NSFL1C: variants seen among roughly 807,000 people sequenced by gnomAD.
NSFL1C encodes the protein NSFL1 cofactor, also known as NSFL1 cofactor p47.
A neutral mutation model predicts 43.1 loss-of-function variants in NSFL1C; 14 were observed. The ratio of observed to expected loss-of-function variants is 0.32; its 90% confidence interval spans 0.21 to 0.51. The LOEUF (loss-of-function observed/expected upper bound fraction) is 0.51. Among genes scored for constraint, NSFL1C ranks in the 20% least tolerant of loss-of-function variants. The probability of loss-of-function intolerance (pLI) is 0.98; values close to 1 mark genes in which losing one functional copy is unlikely to be tolerated. For missense variants in NSFL1C, 406 were observed against 472.5 expected, an observed-to-expected ratio of 0.86 and a Z score of 1.30; for synonymous variants, 171 against 183.5, an observed-to-expected ratio of 0.93 and a Z score of 0.55.
In NSFL1C at chr20:1,455,131, A is replaced by C. The variant is rs1421872228; in HGVS notation, c.280T>G (p.Phe94Val). 6.2e-7 allele frequency: 1 copy of C among 1,614,036 alleles called. No individual in the cohort carries two copies. Among genetic ancestry groups the C allele is most frequent in the Non-Finnish European group, 8.5e-7 (1 of 1,180,030 alleles). ...CTTCTCTCTGAGCCCCCAGCATAAA[A>C]CCTGTGTACAAAATACACCTCTAAC... Reference protein sequence around the residue: ...EDEEEEEGQRFYAGGSERSGQ... With the variant: ...EDEEEEEGQRVYAGGSERSGQ... Residue 94 changes from phenylalanine to valine, a missense_variant and splice_region_variant, in exon 4 of 9, where the codon TTT becomes GTT. Physicochemically the swap from Phe to Val is conservative, Grantham distance 50. This residue lies in a region of NSFL1C where 203 missense variants were observed against 216.3 expected (regional missense o/e 0.94). Coordinates refer to ENST00000216879, the MANE Select transcript of NSFL1C (RefSeq NM_016143.5).
At chr20:1,449,239 C>A (rs1217918517) in intron 7 of NSFL1C, among the ~76,000 whole-genome samples, 1 of 146,404 alleles carries the variant, frequency 6.8e-6, no homozygotes, top group East Asian at 1.9e-4. Context: ...AAACACTCGA[C>A]TAACTAATTA....
At chr20:1,449,427 G>A (rs1038854555) in intron 7 of NSFL1C, among the ~76,000 whole-genome samples, 1 of 152,144 alleles carries the variant, frequency 6.6e-6, no homozygotes, top group Non-Finnish European at 1.5e-5. Context: ...TGAAGACCAG[G>A]CCTCCTGATT....
At position 1,442,503 on chromosome 20, in the gene NSFL1C, G is replaced by C. The variant is rs992480228; in HGVS notation, c.*1246C>G. On this transcript the variant is annotated 3_prime_UTR_variant, in exon 9 of 9. Transcript: ENST00000216879. ...GAGGCACATTACGATTCCAAACCAG[G>C]AGATCCTGAGTCAGCACTGATTCTG... 1 of 152,230 alleles carries C rather than the reference G, an allele frequency of 6.6e-6. No individual in the cohort carries two copies. The highest frequency in any genetic ancestry group is 6.5e-5 in the Admixed American group (1 of 15,278). 9.4% of individuals were successfully genotyped at this position (152,230 alleles called of 1,614,324 possible).
chr20:1,455,551 A>C (rs2090280017), intron 3 of NSFL1C, among the ~76,000 whole-genome samples: 1 of 152,140 alleles, frequency 6.6e-6, no homozygotes, highest in Admixed American at 6.5e-5. Flanking sequence ...AGTAGCTACC[A>C]CTAGTGACTT....
chr20:1,448,661 C>A (rs1393683772), intron 7 of NSFL1C, among the ~76,000 whole-genome samples: 1 of 152,174 alleles, frequency 6.6e-6, no homozygotes, highest in Non-Finnish European at 1.5e-5. Flanking sequence ...ATTCCTAAGC[C>A]AGGCCCTGTG....
intron 7 of NSFL1C, chr20:1,446,175 A>C (rs1031819782): frequency 9.7e-6 from 4 of 410,340 alleles, no homozygotes; most frequent in Non-Finnish European, 1.4e-5. Context: ...CAGGGTCATA[A>C]GGCTGGAAGA....
rs1037200835 is a variant in NSFL1C, at chr20:1,443,706, C to T, written c.*43G>A. On this transcript the variant is annotated 3_prime_UTR_variant, in exon 9 of 9. Transcript: ENST00000216879. ...GATCCCCATGGGGCATGGCCACTGG[C>T]CATGGGAAACACAGGAGGGAGGCCA... 1.2e-6 allele frequency: 2 copies of T among 1,609,042 alleles called. No individual in the cohort carries two copies. The highest frequency in any genetic ancestry group is 1.7e-6 in the Non-Finnish European group (2 of 1,176,408).
At position 1,460,640 on chromosome 20, in the gene NSFL1C, C is replaced by CCTA. The variant is rs555218476; in HGVS notation, c.204-2369_204-2367dup. 1.3e-4 allele frequency among the ~76,000 whole-genome samples: 20 copies of CCTA among 152,228 alleles called. No homozygotes were observed. The South Asian group carries it at 3.7e-3, about 28-fold the overall frequency. ...CATTTTCTGCTTTTAATCCGGTTAC[C>CCTA]CTAGCTCTGCCTCTCTGTGATGATG... On this transcript the variant is annotated intron_variant, in intron 2 of 8. Transcript: ENST00000216879.
chr20:1,458,323 G>T (rs541111299), intron 2 of NSFL1C, 49 bp from the exon 3 acceptor site: 2 of 1,511,796 alleles, frequency 1.3e-6, no homozygotes, highest in South Asian at 2.2e-5. Flanking sequence ...ATTAAGAAAG[G>T]TAACCCTCAT....
Position 1,458,116 on chromosome 20 carries a change from TTACCAGGTCCTGTTC to T in NSFL1C, c.278+69_278+83del, listed in dbSNP as rs559943124. 3,363 of 1,091,330 alleles carry T rather than the reference TTACCAGGTCCTGTTC, an allele frequency of 3.1e-3. 8 individuals carry two copies. The highest frequency in any genetic ancestry group is 4.5e-3 in the Non-Finnish European group (3,151 of 706,166). 67.6% of individuals were successfully genotyped at this position (1,091,330 alleles called of 1,614,324 possible). A position where few individuals can be genotyped will look rare whatever the true frequency, so the allele number is the denominator to read the frequency against. On this transcript the variant is annotated intron_variant, in intron 3 of 8. Transcript: ENST00000216879. ...AATGGCTAACAATAACCAAACATGT[TTACCAGGTCCTGTTC>T]TAGGTGATTTACACATTACCCTGGA...
intron 2 of NSFL1C, chr20:1,463,345 T>C (rs1348485008): frequency 6.6e-6 from 1 of 152,136 alleles, no homozygotes; most frequent in Non-Finnish European, 1.5e-5. Flanking sequence ...CCTAACAACA[T>C]GTCCCAAGCA....
rs1393860242 is a variant in NSFL1C at position 1,442,307 on chromosome 20, G to C, written c.*1442C>G. On this transcript the variant is annotated 3_prime_UTR_variant, in exon 9 of 9. Transcript: ENST00000216879. ...GCCCCAGCAGGCCACTGCCGGTGTG[G>C]GAACTTTGGGATCAAAAGCACCAAG... 1 of 152,220 alleles carries C rather than the reference G, an allele frequency of 6.6e-6. No individual in the cohort carries two copies. Among genetic ancestry groups the C allele is most frequent in the Admixed American group, 6.5e-5 (1 of 15,284 alleles). The allele number at this position is 152,220 out of a possible 1,614,324, so 9.4% of individuals were successfully genotyped here.
intron 3 of NSFL1C, among the ~76,000 whole-genome samples, chr20:1,457,578 T>C (rs1263145499): frequency 6.6e-6 from 1 of 152,174 alleles, no homozygotes; most frequent in Non-Finnish European, 1.5e-5. Flanking sequence ...TTTATACCCT[T>C]TGACCACCAT....
chr20:1,452,568 T>G lies in NSFL1C; in HGVS notation c.710A>C (p.Asp237Ala). Reference sequence around the variant, plus strand: ...CTTCACAAAGTCCTCGTCCCGATGGTCCTCCATATCCAAGTTCACCTGTCC... The same window carrying G: ...CTTCACAAAGTCCTCGTCCCGATGGGCCTCCATATCCAAGTTCACCTGTCC... ...HGGQVNLDME[D>A]HRDEDFVKPK... The change falls in exon 7 of 9, where the codon GAC (aspartate) becomes GCC (alanine). Residue 237 changes from aspartate (D) to alanine (A), a missense_variant. Physicochemically the swap from Asp to Ala is moderately radical, Grantham distance 126. Transcript: ENST00000216879. 1 of 1,614,110 alleles carries G rather than the reference T, an allele frequency of 6.2e-7. No individual in the cohort carries two copies. Among genetic ancestry groups the G allele is most frequent in the Non-Finnish European group, 8.5e-7 (1 of 1,180,012 alleles).
rs1431772452 is a variant in NSFL1C at position 1,445,811 on chromosome 20, T to A, written c.805A>T (p.Ser269Cys). 1.2e-6 allele frequency: 2 copies of A among 1,614,018 alleles called. No individual in the cohort carries two copies. Among genetic ancestry groups the A allele is most frequent in the Non-Finnish European group, 1.7e-6 (2 of 1,179,974 alleles). ...GCCTGTTGGGCTGGAGAGCTGGTAC[T>A]CAACACCTGGGGGGCAGTGCTGAGG... is the stretch of plus-strand genomic sequence containing the variant. ...KLGSTAPQVL[S>C]TSSPAQQAEN... Residue 269 changes from serine (S) to cysteine (C), a missense_variant, in exon 8 of 9, where the codon AGT (serine) becomes TGT (cysteine). Ser to Cys is a moderately radical substitution (Grantham distance 112). This residue lies in a region of NSFL1C where 196 missense variants were observed against 228.0 expected (regional missense o/e 0.86). Transcript: ENST00000216879.
intron 1 of NSFL1C, among the ~76,000 whole-genome samples, 174 bp from the exon 2 acceptor site, chr20:1,464,600 AC>A (rs1317144443): frequency 6.6e-6 from 1 of 152,264 alleles, no homozygotes; most frequent in Non-Finnish European, 1.5e-5. Context: ...CTTCGTGTCA[AC>A]TGAAACAAAT....
At chr20:1,460,706 C>A (rs191399540) in intron 2 of NSFL1C, among the ~76,000 whole-genome samples, 2 of 152,308 alleles carry the variant, frequency 1.3e-5, no homozygotes, top group East Asian at 3.9e-4. Context: ...AAGCCACTAG[C>A]CACATTTGGC....
At chr20:1,455,291 A>T (rs2090274557) in intron 3 of NSFL1C, 159 bp from the exon 4 acceptor site, 1 of 835,986 alleles carries the variant, frequency 1.2e-6, no homozygotes, top group South Asian at 1.4e-5. Flanking sequence ...CAAGCAGGTA[A>T]AATGCAGTGT....
At chr20:1,463,896 G>C (rs2090460405) in intron 2 of NSFL1C, 1 of 159,636 alleles carries the variant, frequency 6.3e-6, no homozygotes, top group Admixed American at 6.4e-5. Flanking sequence ...ACTTGGCAAA[G>C]GGTGGGTTAC....
Sources: allele counts gnomAD v4.1 joint callset (sites outside exome capture counted in the v4.1 genomes callset), GRCh38; gene constraint gnomAD v4.1.1; regional missense constraint gnomAD v4.1.1; transcripts MANE v1.5; gene names NCBI Gene and HGNC (gene_info 2026-07-23, HGNC 2026-07-21).